NAT1: variants seen among roughly 807,000 people sequenced by gnomAD.
NAT1 encodes N-acetyltransferase 1.
For missense variants in NAT1, 400 were observed against 339.2 expected (o/e 1.18, Z -1.41); for synonymous variants, 144 against 122.6 (o/e 1.17, Z -1.16).
chr8:18,200,523 G>A (rs948519534), intron 2 of NAT1, among the ~76,000 whole-genome samples: 5 of 152,036 alleles, frequency 3.3e-5, no homozygotes, highest in East Asian at 3.9e-4. Context: ...AACAGACACC[G>A]GGATCTACTT....
chr8:18,211,975 G>T (rs902534686), intron 1 of NAT1, among the ~76,000 whole-genome samples: 7 of 152,112 alleles, frequency 4.6e-5, no homozygotes, highest in African/African-American at 1.7e-4. Context: ...TAGCCTTAAG[G>T]CCTTACAGCC....
Position 18,222,481 on chromosome 8 carries a change from A to C in NAT1, c.434A>C (p.Gln145Pro). The change falls in exon 3 of 3, where the codon CAG (glutamine) becomes CCG (proline). Residue 145 changes from glutamine to proline, a missense_variant. Physicochemically the swap from Gln to Pro is moderately conservative, Grantham distance 76. Coordinates refer to ENST00000307719, the MANE Select transcript of NAT1 (RefSeq NM_000662.8). ...LELISGKDQP[Q>P]VPCVFRLTEE... ...TTAATTTCTGGGAAGGATCAGCCTC[A>C]GGTGCCTTGTGTCTTCCGTTTGACG... The C allele has an allele frequency of 1.2e-6, 2 of 1,614,094 alleles. No homozygotes were observed. The highest frequency in any genetic ancestry group is 1.7e-6 in the Non-Finnish European group (2 of 1,180,004).
intron 1 of NAT1, among the ~76,000 whole-genome samples, chr8:18,217,919 G>C (rs920232891): frequency 6.6e-6 from 1 of 152,154 alleles, no homozygotes; most frequent in Non-Finnish European, 1.5e-5. Flanking sequence ...TCCTGCTATA[G>C]AGTGTATTGT....
chr8:18,178,149 C>T (rs1802364470), intron 2 of NAT1, among the ~76,000 whole-genome samples: 1 of 152,136 alleles, frequency 6.6e-6, no homozygotes, highest in East Asian at 1.9e-4. Flanking sequence ...AGAAATAACA[C>T]CACTAGAGGC....
At chr8:18,205,614 C>T (rs1376951970), upstream of NAT1, among the ~76,000 whole-genome samples, 5 of 152,118 alleles carry the variant, frequency 3.3e-5, no homozygotes, top group Admixed American at 2.0e-4. Flanking sequence ...GCACGGTGCA[C>T]ACATACTCGC....
intron 2 of NAT1, among the ~76,000 whole-genome samples, chr8:18,191,286 G>A (rs879905231): frequency 6.6e-6 from 1 of 151,998 alleles, no homozygotes; most frequent in Non-Finnish European, 1.5e-5. Flanking sequence ...CAAAATAATA[G>A]GTTTTATAGA....
At chr8:18,197,515 G>C (rs560721312) in intron 2 of NAT1, among the ~76,000 whole-genome samples, 1 of 152,252 alleles carries the variant, frequency 6.6e-6, no homozygotes, top group South Asian at 2.1e-4. Context: ...CAGGGATACT[G>C]CTAAACAATG....
rs148953093 is a variant in NAT1 at position 18,201,780 on chromosome 8, A to G, written n.93-8001A>G. Among the ~76,000 whole-genome samples, 938 of 152,292 alleles carry G rather than the reference A, an allele frequency of 6.2e-3. 20 individuals are homozygous for G. Among genetic ancestry groups the G allele is most frequent in the African/African-American group, 0.021 (865 of 41,562 alleles). The stretch of plus-strand genomic sequence containing the variant: ...TTTGGGGACCTAGGATTCAGTGTGA[A>G]AATGGGATTCTTGATTTCGGGGTAT... On this transcript the variant is annotated intron_variant and non_coding_transcript_variant, in intron 2 of 4. Transcript: ENST00000517441.
At chr8:18,203,049 G>A (rs930492251) in intron 2 of NAT1, among the ~76,000 whole-genome samples, 6 of 152,144 alleles carry the variant, frequency 3.9e-5, no homozygotes, top group Non-Finnish European at 8.8e-5. Flanking sequence ...GCTGATTGGT[G>A]CATTTACAAT....
intron 2 of NAT1, among the ~76,000 whole-genome samples, chr8:18,204,651 T>C (rs1803630119): frequency 6.6e-6 from 1 of 152,198 alleles, no homozygotes; most frequent in Non-Finnish European, 1.5e-5. Context: ...CGAATACAGA[T>C]ATAGACAGTT....
chr8:18,180,738 T>C (rs1345353572), intron 2 of NAT1, among the ~76,000 whole-genome samples: 1 of 152,180 alleles, frequency 6.6e-6, no homozygotes, highest in Admixed American at 6.5e-5. Flanking sequence ...ATACAACATA[T>C]ATATATTAAA....
At position 18,179,632 on chromosome 8, in the gene NAT1, G is replaced by A. The variant is rs139671415; in HGVS notation, n.92+8893G>A. ...GGAGTCTGCAGACCCCAGGAAAATCGTACATGTGTTCTCAAATGTCTATAA... is the reference window on the plus strand; with the variant it reads ...GGAGTCTGCAGACCCCAGGAAAATCATACATGTGTTCTCAAATGTCTATAA... On this transcript the variant is annotated intron_variant and non_coding_transcript_variant, in intron 2 of 4. Transcript: ENST00000517441. Among the ~76,000 whole-genome samples the A allele has an allele frequency of 7.2e-5, 11 of 152,238 alleles. No homozygotes were observed. The East Asian group carries it at 7.7e-4, about 11-fold the overall frequency.
chr8:18,194,231 GTA>G, intron 2 of NAT1, among the ~76,000 whole-genome samples: 1 of 152,332 alleles, frequency 6.6e-6, no homozygotes, highest in East Asian at 1.9e-4. Context: ...TTATTAACCA[GTA>G]GTGCACGGAG....
At chr8:18,184,279 G>A (rs1802641627) in intron 2 of NAT1, among the ~76,000 whole-genome samples, 1 of 152,178 alleles carries the variant, frequency 6.6e-6, no homozygotes, top group South Asian at 2.1e-4. Context: ...AAGACTAGGT[G>A]TGGCCAAGGA....
At chr8:18,215,976 AG>A (rs1277914545) in intron 1 of NAT1, among the ~76,000 whole-genome samples, 2 of 152,180 alleles carry the variant, frequency 1.3e-5, no homozygotes, top group African/African-American at 4.8e-5. Flanking sequence ...TAAAGGGGAA[AG>A]GATGGGATAT....
intron 2 of NAT1, among the ~76,000 whole-genome samples, chr8:18,184,757 C>A (rs28605313): frequency 6.6e-6 from 1 of 152,074 alleles, no homozygotes; most frequent in Admixed American, 6.5e-5. Context: ...CTGTTGCAAA[C>A]AGAGCTTTCA....
chr8:18,172,631 T>C (rs1222330613), intron 2 of NAT1, among the ~76,000 whole-genome samples: 1 of 152,186 alleles, frequency 6.6e-6, no homozygotes, highest in Non-Finnish European at 1.5e-5. Context: ...AGTGGTAAAC[T>C]AGGACTCTTA....
chr8:18,172,432 T>C (rs554900850), intron 2 of NAT1, among the ~76,000 whole-genome samples: 1 of 152,340 alleles, frequency 6.6e-6, no homozygotes, highest in South Asian at 2.1e-4. Flanking sequence ...GGTTGATTCT[T>C]TCTCCATCCC....
upstream of NAT1, among the ~76,000 whole-genome samples, chr8:18,208,388 C>G (rs894660687): frequency 6.6e-6 from 1 of 152,056 alleles, no homozygotes; most frequent in East Asian, 1.9e-4. Context: ...AGAGAAAACT[C>G]AAAACACGTC....
Sources: gnomAD v4.1 joint callset for allele counts (sites outside exome capture counted in the v4.1 genomes callset) on GRCh38, gnomAD v4.1.1 for gene constraint, MANE v1.5 for transcripts, NCBI Gene and HGNC (gene_info 2026-07-23, HGNC 2026-07-21) for gene names.